The following ABCC4 variants were observed in gnomAD, a reference collection of about 807,000 sequenced individuals.
ABCC4 encodes the protein ATP binding cassette subfamily C member 4 (PEL blood group), also known as ATP-binding cassette sub-family C member 4.
A neutral mutation model predicts 168.5 loss-of-function variants in ABCC4; 102 were observed. That is an observed-to-expected ratio of 0.61 (90% CI 0.52 to 0.71). The LOEUF (loss-of-function observed/expected upper bound fraction) is 0.71, where lower values mean the gene tolerates loss of function less well. ABCC4 is among the 30% of genes least tolerant of loss of function. The pLI is 0.00. For synonymous variants in ABCC4, 617 were observed against 590.7 expected, an observed-to-expected ratio of 1.04 and a Z score of -0.65; for missense variants, 1,402 against 1,605.8, an observed-to-expected ratio of 0.87 and a Z score of 2.17.
At chr13:95,080,389 T>TTTTTG (rs71774292) in intron 21 of ABCC4, among the ~76,000 whole-genome samples, 2 of 150,846 alleles carry the variant, frequency 1.3e-5, no homozygotes, top group African/African-American at 4.9e-5. Context: ...TTGTTTTTGT[T>TTTTTG]TTTTGTTTTG....
chr13:95,282,604 G>C (rs992608327), intron 1 of ABCC4, among the ~76,000 whole-genome samples: 1 of 151,558 alleles, frequency 6.6e-6, no homozygotes, highest in Non-Finnish European at 1.5e-5. Flanking sequence ...GCACAATCTC[G>C]ACTCACTGCA....
intron 9 of ABCC4, among the ~76,000 whole-genome samples, chr13:95,192,186 C>A (rs897904532): frequency 6.6e-6 from 1 of 152,208 alleles, no homozygotes; most frequent in Non-Finnish European, 1.5e-5. Context: ...ACCTTCCCTC[C>A]AATACCTGCT....
chr13:95,284,180 GGTT>G (rs2041200319), intron 1 of ABCC4, among the ~76,000 whole-genome samples: 1 of 152,018 alleles, frequency 6.6e-6, no homozygotes, highest in Non-Finnish European at 1.5e-5. Context: ...TTGAGATTTT[GGTT>G]GTTGTTTTTT....
intron 1 of ABCC4, among the ~76,000 whole-genome samples, chr13:95,250,706 G>A (rs1222682193): frequency 2.1e-5 from 3 of 143,448 alleles, no homozygotes; most frequent in Non-Finnish European, 3.1e-5. Flanking sequence ...GTGGCATTTA[G>A]TTTTTGTTGT....
chr13:95,161,395 T>G lies in ABCC4; in HGVS notation c.2309-60A>C, dbSNP rs4773842. On this transcript the variant is annotated intron_variant, in intron 18 of 30. Transcript: ENST00000645237. ...ATATCTCTGCATTTTCTTCAATAGT[T>G]GCTAAAGCAAGCCAGGTAGTTTATA... The G allele has an allele frequency of 5.8e-6, 8 of 1,372,250 alleles. No homozygotes were observed. The Admixed American group carries it at 1.1e-4, about 18-fold the overall frequency. 85.0% of individuals were successfully genotyped at this position (1,372,250 alleles called of 1,614,324 possible).
At chr13:95,028,860 T>G (rs1382612851) in intron 30 of ABCC4, among the ~76,000 whole-genome samples, 2 of 151,934 alleles carry the variant, frequency 1.3e-5, no homozygotes, top group Non-Finnish European at 2.9e-5. Flanking sequence ...AAATACTAGG[T>G]AGCCATTAAA....
chr13:95,142,661 C>T (rs960736728), intron 19 of ABCC4, among the ~76,000 whole-genome samples: 2 of 151,982 alleles, frequency 1.3e-5, no homozygotes, highest in Non-Finnish European at 2.9e-5. Context: ...CTAAGGTACA[C>T]ACTTAAGTTT....
chr13:95,294,481 C>T (rs1029983728), intron 1 of ABCC4, among the ~76,000 whole-genome samples: 3 of 152,262 alleles, frequency 2.0e-5, no homozygotes, highest in East Asian at 1.9e-4. Context: ...CACCATCTTG[C>T]GGCTCGGCCT....
intron 1 of ABCC4, among the ~76,000 whole-genome samples, chr13:95,300,572 A>G (rs371428863): frequency 6.6e-6 from 1 of 152,190 alleles, no homozygotes; most frequent in Non-Finnish European, 1.5e-5. Context: ...AGATTCCCAC[A>G]AAGAGGCAAA....
chr13:95,153,152 A>C (rs904418310), intron 19 of ABCC4, among the ~76,000 whole-genome samples: 1 of 152,346 alleles, frequency 6.6e-6, no homozygotes, highest in East Asian at 1.9e-4. Context: ...TAAGTCATGA[A>C]GATACTTTGA....
rs1312935464 is a variant in ABCC4 at position 95,083,175 on chromosome 13, T to C, written c.2651A>G (p.Glu884Gly). The change falls in exon 21 of 31, where the codon GAA (glutamate) becomes GGA (glycine). Residue 884 changes from glutamate (E) to glycine (G), a missense_variant. Physicochemically the swap from Glu to Gly is moderately conservative, Grantham distance 98 (BLOSUM62 -2). Transcript: ENST00000645237. ...IFIFLRRYFL[E>G]TSRDVKRLES... ...CAGGCGCTTCACATCTCTTGACGTT[T>C]CCAAAAAATATCGCCGAAGAAAAAT... 1.9e-6 allele frequency: 3 copies of C among 1,613,844 alleles called. No homozygotes were observed. Among genetic ancestry groups the C allele is most frequent in the Non-Finnish European group, 2.5e-6 (3 of 1,179,960 alleles).
At chr13:95,124,859 C>T (rs1225775170) in intron 19 of ABCC4, among the ~76,000 whole-genome samples, 1 of 150,170 alleles carries the variant, frequency 6.7e-6, no homozygotes, top group Non-Finnish European at 1.5e-5. Context: ...GGCTGGGTGA[C>T]AGAGTGAGAC....
chr13:95,294,278 G>A lies in ABCC4; in HGVS notation c.74+6963C>T, dbSNP rs376517636. Among the ~76,000 whole-genome samples the A allele has an allele frequency of 5.4e-4, 82 of 152,136 alleles. No homozygotes were observed. The East Asian group carries it at 0.012, about 22-fold the overall frequency. Reference sequence around the variant, plus strand: ...GGGAGGAGGCTAAGGCAAGAGAATCGCTTGAACCCGGGAGGCAGAGGTTGC... The same window carrying A: ...GGGAGGAGGCTAAGGCAAGAGAATCACTTGAACCCGGGAGGCAGAGGTTGC... On this transcript the variant is annotated intron_variant, in intron 1 of 30. Transcript: ENST00000645237.
intron 19 of ABCC4, among the ~76,000 whole-genome samples, chr13:95,124,562 TAAAAAAAAAA>T (rs55651091): frequency 1.9e-3 from 229 of 121,812 alleles, no homozygotes; most frequent in Middle Eastern, 4.9e-3. Flanking sequence ...CCCCCTTTCT[TAAAAAAAAAA>T]AAAAAAAAAA....
At chr13:95,289,013 T>A (rs531238808) in intron 1 of ABCC4, among the ~76,000 whole-genome samples, 2 of 152,170 alleles carry the variant, frequency 1.3e-5, no homozygotes, top group Non-Finnish European at 2.9e-5. Context: ...TTGATAAACC[T>A]CCCTGCTACT....
intron 5 of ABCC4, among the ~76,000 whole-genome samples, chr13:95,210,161 A>G (rs2038912095): frequency 6.6e-6 from 1 of 152,234 alleles, no homozygotes; most frequent in Non-Finnish European, 1.5e-5. Flanking sequence ...TGGAAAAATG[A>G]TACCGCTACA....
At chr13:95,247,613 T>C in intron 2 of ABCC4, 30 bp downstream of exon 2, 1 of 1,568,200 alleles carries the variant, frequency 6.4e-7, no homozygotes, top group South Asian at 1.1e-5. Context: ...CCACGCTTCC[T>C]TAATGCCCAC....
intron 1 of ABCC4, among the ~76,000 whole-genome samples, chr13:95,270,198 T>C (rs2040810187): frequency 6.6e-6 from 1 of 152,124 alleles, no homozygotes; most frequent in Non-Finnish European, 1.5e-5. Context: ...GTGTTATCTG[T>C]AGTTGGAAAT....
At chr13:95,258,543 T>C (rs1039802798) in intron 1 of ABCC4, among the ~76,000 whole-genome samples, 3 of 152,232 alleles carry the variant, frequency 2.0e-5, no homozygotes, top group African/African-American at 7.2e-5. Context: ...TACAATCTAT[T>C]TGTGTAGATA....
Sources: allele counts gnomAD v4.1 joint callset (sites outside exome capture counted in the v4.1 genomes callset), GRCh38; gene constraint gnomAD v4.1.1; transcripts MANE v1.5; gene names NCBI Gene and HGNC (gene_info 2026-07-23, HGNC 2026-07-21).